Variants in DCLK2 observed in about 807,000 individuals in gnomAD.
DCLK2 encodes doublecortin like kinase 2, also known as serine/threonine-protein kinase DCLK2.
In DCLK2, 31 loss-of-function variants were observed where a neutral mutation model predicts 78.4. That is an observed-to-expected ratio of 0.40 (90% CI 0.30 to 0.53). DCLK2 has a LOEUF of 0.53. Ranked by LOEUF, DCLK2 falls within the 20% of genes least tolerant of loss-of-function variation. The probability of loss-of-function intolerance (pLI) is 0.61; values close to 1 mark genes in which losing one functional copy is unlikely to be tolerated. For missense variants in DCLK2, 872 were observed against 973.7 expected, an observed-to-expected ratio of 0.90 and a Z score of 1.39; for synonymous variants, 407 against 374.9, an observed-to-expected ratio of 1.09 and a Z score of -0.99.
chr4:150,208,642 T>C (rs936346217), intron 5 of DCLK2, among the ~76,000 whole-genome samples: 1 of 150,854 alleles, frequency 6.6e-6, no homozygotes, highest in Non-Finnish European at 1.5e-5. Context: ...AATCCTGGGG[T>C]TAGGGAGGAG....
intron 2 of DCLK2, among the ~76,000 whole-genome samples, chr4:150,192,584 T>G (rs964786702): frequency 6.6e-6 from 1 of 152,072 alleles, no homozygotes; most frequent in Admixed American, 6.6e-5. Flanking sequence ...AAATCTTCCC[T>G]TGATCTTGAT....
chr4:150,233,129 G>T (rs971894097), intron 10 of DCLK2, among the ~76,000 whole-genome samples: 1 of 152,188 alleles, frequency 6.6e-6, no homozygotes, highest in Non-Finnish European at 1.5e-5. Context: ...TAACAGGAAG[G>T]CCTCAGGAGA....
intron 2 of DCLK2, among the ~76,000 whole-genome samples, chr4:150,128,162 G>T (rs1733048926): frequency 6.6e-6 from 1 of 152,174 alleles, no homozygotes; most frequent in African/African-American, 2.4e-5. Context: ...AGAGGCCAGG[G>T]ATGCTGCCAC....
intron 2 of DCLK2, among the ~76,000 whole-genome samples, chr4:150,143,432 C>G (rs1426790604): frequency 6.6e-6 from 1 of 152,040 alleles, no homozygotes; most frequent in Non-Finnish European, 1.5e-5. Context: ...TTGCGAGAGC[C>G]CAGGAGTTCC....
At chr4:150,208,091 T>C (rs1375197851) in intron 5 of DCLK2, among the ~76,000 whole-genome samples, 1 of 152,166 alleles carries the variant, frequency 6.6e-6, no homozygotes, top group Admixed American at 6.5e-5. Context: ...CAGAGTCAGA[T>C]ACCAAGTACA....
intron 2 of DCLK2, among the ~76,000 whole-genome samples, chr4:150,111,297 T>C (rs989716770): frequency 6.6e-5 from 10 of 152,156 alleles, no homozygotes; most frequent in Admixed American, 3.9e-4. Context: ...TTTAAAAATA[T>C]CTATTTATGT....
At chr4:150,094,754 G>A (rs1219534364) in intron 1 of DCLK2, among the ~76,000 whole-genome samples, 1 of 152,234 alleles carries the variant, frequency 6.6e-6, no homozygotes, top group Non-Finnish European at 1.5e-5. Flanking sequence ...TGTTTTAAGT[G>A]CCTGTTGTAT....
At chr4:150,148,543 A>G (rs1334542287) in intron 2 of DCLK2, among the ~76,000 whole-genome samples, 2 of 152,106 alleles carry the variant, frequency 1.3e-5, no homozygotes, top group Non-Finnish European at 2.9e-5. Flanking sequence ...AGGAGTACAG[A>G]TGCATATCAC....
Position 150,235,927 on chromosome 4 carries a change from C to T in DCLK2, c.1566+3099C>T, listed in dbSNP as rs111786746. Among the ~76,000 whole-genome samples the T allele has an allele frequency of 4.0e-3, 614 of 152,172 alleles. 3 individuals are homozygous for T. The highest frequency in any genetic ancestry group is 7.1e-3 in the Non-Finnish European group (486 of 67,996). ...CTGTGTCAGGGAGCACAGGGGTGGC[C>T]GTTAATGCTGTGAGTTACAGCCTGG... On this transcript the variant is annotated intron_variant, in intron 10 of 15. Transcript: ENST00000296550.
intron 3 of DCLK2, among the ~76,000 whole-genome samples, chr4:150,197,167 AAAGAG>A (rs1181394033): frequency 1.8e-4 from 27 of 152,162 alleles, no homozygotes; most frequent in Admixed American, 7.2e-4. Flanking sequence ...AAAAAAAAAA[AAAGAG>A]AGAGAGAAAA....
At chr4:150,189,300 G>A (rs1460661530) in intron 2 of DCLK2, among the ~76,000 whole-genome samples, 1 of 152,022 alleles carries the variant, frequency 6.6e-6, no homozygotes, top group Non-Finnish European at 1.5e-5. Flanking sequence ...ATATATGGAT[G>A]TGAAAAATAA....
At chr4:150,114,245 A>G (rs1309412256) in intron 2 of DCLK2, among the ~76,000 whole-genome samples, 1 of 152,156 alleles carries the variant, frequency 6.6e-6, no homozygotes, top group Non-Finnish European at 1.5e-5. Context: ...TGTTCTGTAA[A>G]TATCTGTTAG....
At chr4:150,083,680 T>TA (rs1409672808) in intron 1 of DCLK2, among the ~76,000 whole-genome samples, 3 of 152,244 alleles carry the variant, frequency 2.0e-5, no homozygotes, top group Non-Finnish European at 4.4e-5. Context: ...ACTCATGAGT[T>TA]ACAAGGTATT....
chr4:150,250,127 A>T (rs1010807864), intron 15 of DCLK2, among the ~76,000 whole-genome samples: 2 of 152,212 alleles, frequency 1.3e-5, no homozygotes, highest in Non-Finnish European at 2.9e-5. Flanking sequence ...TTTCAGTTTT[A>T]AAAAATCAGT....
intron 2 of DCLK2, among the ~76,000 whole-genome samples, chr4:150,137,140 C>T (rs1357903156): frequency 1.3e-5 from 2 of 151,844 alleles, no homozygotes; most frequent in East Asian, 1.9e-4. Context: ...CCACCATGCC[C>T]AGTCTATTTA....
intron 8 of DCLK2, among the ~76,000 whole-genome samples, chr4:150,227,263 C>G (rs1580754687): frequency 6.6e-6 from 1 of 152,210 alleles, no homozygotes; most frequent in Admixed American, 6.5e-5. Flanking sequence ...CCCTCACCTT[C>G]TGTTTGTTCA....
chr4:150,140,074 A>G (rs992711883), intron 2 of DCLK2, among the ~76,000 whole-genome samples: 3 of 152,284 alleles, frequency 2.0e-5, no homozygotes, highest in Admixed American at 6.5e-5. Context: ...GAACCATTGT[A>G]TATAATAGAA....
At chr4:150,213,631 A>T (rs1740473940) in intron 5 of DCLK2, among the ~76,000 whole-genome samples, 1 of 152,194 alleles carries the variant, frequency 6.6e-6, no homozygotes, top group Admixed American at 6.5e-5. Flanking sequence ...AGTAAACTTC[A>T]GAAGTTACCT....
intron 15 of DCLK2, among the ~76,000 whole-genome samples, chr4:150,250,024 C>T (rs1198134649): frequency 6.6e-6 from 1 of 152,188 alleles, no homozygotes; most frequent in Non-Finnish European, 1.5e-5. Context: ...TAGGAATTAA[C>T]TCCCTGCCTA....
Sources: gnomAD v4.1 joint callset for allele counts (sites outside exome capture counted in the v4.1 genomes callset) on GRCh38, gnomAD v4.1.1 for gene constraint, MANE v1.5 for transcripts, NCBI Gene and HGNC (gene_info 2026-07-23, HGNC 2026-07-21) for gene names.